Variants in FMN1 observed in about 807,000 individuals in gnomAD.
FMN1 encodes formin 1, also known as formin-1.
In FMN1, 110 loss-of-function variants were observed where a neutral mutation model predicts 132.4. The ratio of observed to expected loss-of-function variants is 0.83; its 90% CI spans 0.71 to 0.97. FMN1 has a LOEUF of 0.97. FMN1 is among the 50% of genes least tolerant of loss of function. The pLI is 0.00. For synonymous variants in FMN1, 722 were observed against 651.7 expected, an observed-to-expected ratio of 1.11 and a Z score of -1.64; for missense variants, 1,792 against 1,705.3, an observed-to-expected ratio of 1.05 and a Z score of -0.90.
At position 32,968,900 on chromosome 15, in the gene FMN1, G is replaced by A. The variant is rs536239307; in HGVS notation, c.2801C>T (p.Pro934Leu). 7.4e-5 allele frequency: 59 copies of A among 801,128 alleles called. No homozygotes were observed. The African/African-American group carries it at 1.0e-3, about 14-fold the overall frequency. 49.6% of individuals were successfully genotyped at this position (801,128 alleles called of 1,614,324 possible). A position where few individuals can be genotyped will look rare whatever the true frequency, so the allele number is the denominator to read the frequency against. ...AGGCCCTCCAGGGTTGGGTGGGGCA[G>A]GGGAGTTAGGAAGTGGGGGTGGGGG... ...PPPPPPLPNS[P>L]APPNPGGPPP... The change falls in exon 8 of 21, where the codon CCT (proline) becomes CTT (leucine). Residue 934 changes from proline to leucine, a missense_variant. Around this residue, in one of 3 missense-constraint regions of FMN1, gnomAD observed 1,150 missense variants for 1,043.1 expected, o/e 1.10. Transcript: ENST00000616417.
intron 12 of FMN1, among the ~76,000 whole-genome samples, chr15:32,907,403 C>T (rs2060453355): frequency 6.6e-6 from 1 of 152,082 alleles, no homozygotes; most frequent in Non-Finnish European, 1.5e-5. Flanking sequence ...AGGGTTTGTG[C>T]TCCTATGAGA....
chr15:32,839,253 TCTCC>T (rs1488205126), intron 17 of FMN1, among the ~76,000 whole-genome samples: 1 of 151,968 alleles, frequency 6.6e-6, no homozygotes, highest in Non-Finnish European at 1.5e-5. Flanking sequence ...CTGGAACCCC[TCTCC>T]CTGAGGACAG....
intron 16 of FMN1, among the ~76,000 whole-genome samples, chr15:32,868,031 A>G (rs1268631723): frequency 6.6e-6 from 1 of 152,204 alleles, no homozygotes; most frequent in East Asian, 1.9e-4. Context: ...AAACTTACAC[A>G]TGTGCAGTAT....
intron 5 of FMN1, among the ~76,000 whole-genome samples, chr15:33,072,743 C>T (rs1027454876): frequency 1.3e-5 from 2 of 151,964 alleles, no homozygotes; most frequent in Non-Finnish European, 2.9e-5. Context: ...GCCAACATGG[C>T]GAAATCCTGT....
intron 3 of FMN1, among the ~76,000 whole-genome samples, chr15:33,162,448 A>G (rs1321922971): frequency 1.3e-5 from 2 of 152,162 alleles, no homozygotes; most frequent in African/African-American, 2.4e-5. Context: ...GAGAGTCAAC[A>G]TCATGTTTGT....
chr15:32,949,952 T>TATATATATATACAC (rs2061591964), intron 9 of FMN1, among the ~76,000 whole-genome samples: 1 of 50,508 alleles, frequency 2.0e-5, no homozygotes, highest in African/African-American at 1.2e-4. Context: ...TATATATATA[T>TATATATATATACAC]ATATATATAT....
intron 19 of FMN1, among the ~76,000 whole-genome samples, chr15:32,797,117 A>C (rs2057315570): frequency 6.6e-6 from 1 of 152,300 alleles, no homozygotes; most frequent in African/African-American, 2.4e-5. Flanking sequence ...GGACTTCTGG[A>C]TACCACCTCT....
chr15:32,827,785 A>G (rs1471599412), intron 17 of FMN1, among the ~76,000 whole-genome samples: 2 of 151,842 alleles, frequency 1.3e-5, no homozygotes, highest in Non-Finnish European at 2.9e-5. Context: ...TGGAGCTTGC[A>G]GTGAGCGGAG....
chr15:33,143,238 A>G (rs1249616884), intron 4 of FMN1, among the ~76,000 whole-genome samples: 3 of 152,236 alleles, frequency 2.0e-5, no homozygotes, highest in African/African-American at 7.2e-5. Flanking sequence ...AAAATAAAAA[A>G]AGCATTTTCT....
chr15:32,941,686 A>G (rs1451949177), intron 9 of FMN1, among the ~76,000 whole-genome samples: 1 of 152,144 alleles, frequency 6.6e-6, no homozygotes, highest in East Asian at 1.9e-4. Context: ...TTGGCAGTGA[A>G]CTATTTTACC....
At chr15:33,107,233 T>A (rs1041600087) in intron 4 of FMN1, among the ~76,000 whole-genome samples, 6 of 151,886 alleles carry the variant, frequency 4.0e-5, no homozygotes, top group Non-Finnish European at 7.4e-5. Flanking sequence ...ACTTCACACA[T>A]CATTACCACC....
intron 17 of FMN1, among the ~76,000 whole-genome samples, chr15:32,836,388 G>A (rs2141187702): frequency 6.6e-6 from 1 of 152,228 alleles, no homozygotes; most frequent in South Asian, 2.1e-4. Flanking sequence ...TTTTATTTAG[G>A]AGGATAGTAT....
intron 16 of FMN1, among the ~76,000 whole-genome samples, chr15:32,857,907 T>C (rs1437947439): frequency 1.3e-5 from 2 of 152,200 alleles, no homozygotes; most frequent in Non-Finnish European, 2.9e-5. Flanking sequence ...TTCCTATGTG[T>C]TTGTGCCAGT....
intron 4 of FMN1, among the ~76,000 whole-genome samples, chr15:33,139,684 TGGTA>T (rs1963927469): frequency 2.0e-5 from 3 of 152,190 alleles, no homozygotes; most frequent in African/African-American, 7.2e-5. Context: ...CCCTTTAAAT[TGGTA>T]GTAGGAACAG....
In FMN1 at chr15:32,957,298, C is replaced by CTTTTT. The variant is rs869111673; in HGVS notation, c.3138+6804_3138+6808dup. Among the ~76,000 whole-genome samples the CTTTTT allele has an allele frequency of 5.0e-3, 421 of 84,182 alleles. 72 individuals are homozygous for CTTTTT. Among genetic ancestry groups the CTTTTT allele is most frequent in the Non-Finnish European group, 7.0e-3 (313 of 44,922 alleles). 55.2% of individuals were successfully genotyped at this position (84,182 alleles called of 152,430 possible). On this transcript the variant is annotated intron_variant, in intron 9 of 20. Transcript: ENST00000616417. ...AATTGGAAAGTTTATCAGAGCAGTT[C>CTTTTT]TTTTTTTTTTTTTTTTTTTTTTTTT...
chr15:33,126,885 G>T (rs938646011), intron 4 of FMN1, among the ~76,000 whole-genome samples: 2 of 152,134 alleles, frequency 1.3e-5, no homozygotes, highest in African/African-American at 4.8e-5. Context: ...AATAACTGTG[G>T]CTGTATAACT....
intron 4 of FMN1, among the ~76,000 whole-genome samples, chr15:33,091,818 A>G (rs1391881411): frequency 6.6e-6 from 1 of 152,260 alleles, no homozygotes; most frequent in Non-Finnish European, 1.5e-5. Flanking sequence ...AGAGAAAAAA[A>G]TCATCTGAAA....
At chr15:33,111,624 T>C (rs1324658132) in intron 4 of FMN1, among the ~76,000 whole-genome samples, 1 of 152,178 alleles carries the variant, frequency 6.6e-6, no homozygotes, top group Non-Finnish European at 1.5e-5. Flanking sequence ...TATATCCATA[T>C]GAAGGAGTAT....
intron 15 of FMN1, among the ~76,000 whole-genome samples, chr15:32,894,374 C>G (rs1436601695): frequency 6.6e-6 from 1 of 151,818 alleles, no homozygotes; most frequent in African/African-American, 2.4e-5. Flanking sequence ...GTCCCAGCTA[C>G]TTGGAAGGCT....
Sources: gnomAD v4.1 joint callset for allele counts (sites outside exome capture counted in the v4.1 genomes callset) on GRCh38, gnomAD v4.1.1 for gene constraint, gnomAD v4.1.1 regional missense constraint, MANE v1.5 for transcripts, NCBI Gene and HGNC (gene_info 2026-07-23, HGNC 2026-07-21) for gene names.